ZNF704: variants seen among roughly 807,000 people sequenced by gnomAD.
ZNF704 encodes the protein zinc finger protein 704.
In ZNF704, 10 loss-of-function variants were observed where a neutral mutation model predicts 44.7. That is an observed-to-expected ratio of 0.22 (90% CI 0.14 to 0.38). The LOEUF (loss-of-function observed/expected upper bound fraction) is 0.38, where lower values mean the gene tolerates loss of function less well. Ranked by LOEUF, ZNF704 falls within the 10% of genes least tolerant of loss-of-function variation. The probability of loss-of-function intolerance (pLI) is 1.00; values close to 1 mark genes in which losing one functional copy is unlikely to be tolerated. For synonymous variants in ZNF704, 211 were observed against 207.6 expected, an observed-to-expected ratio of 1.02 and a Z score of -0.14; for missense variants, 390 against 545.5, an observed-to-expected ratio of 0.71 and a Z score of 2.84.
intron 2 of ZNF704, among the ~76,000 whole-genome samples, chr8:80,765,411 A>G (rs1228600109): frequency 6.6e-6 from 1 of 152,110 alleles, no homozygotes; most frequent in Non-Finnish European, 1.5e-5. Context: ...GTATTCCTTA[A>G]TTTAGCAAAT....
chr8:80,854,478 C>T (rs527317855), intron 1 of ZNF704, among the ~76,000 whole-genome samples: 1 of 152,280 alleles, frequency 6.6e-6, no homozygotes, highest in African/African-American at 2.4e-5. Context: ...AGGAACTTGC[C>T]TAACTGTGAC....
intron 1 of ZNF704, among the ~76,000 whole-genome samples, chr8:80,848,423 G>A (rs1808802724): frequency 1.3e-5 from 2 of 152,172 alleles, no homozygotes; most frequent in South Asian, 2.1e-4. Flanking sequence ...TATCAATGTC[G>A]ATTTCCTGGT....
At chr8:80,664,159 C>T (rs554800667) in intron 6 of ZNF704, among the ~76,000 whole-genome samples, 15 of 151,114 alleles carry the variant, frequency 9.9e-5, no homozygotes, top group East Asian at 7.9e-4. Flanking sequence ...TACAGTGGTG[C>T]GATCTTGGCT....
In ZNF704 at chr8:80,637,784, A is replaced by G. The variant is rs1027677109; in HGVS notation, c.*3582T>C. 1.3e-5 allele frequency: 2 copies of G among 152,246 alleles called. No individual in the cohort carries two copies. Among genetic ancestry groups the G allele is most frequent in the African/African-American group, 4.8e-5 (2 of 41,464 alleles). The allele number at this position is 152,246 out of a possible 1,614,324, so 9.4% of individuals were successfully genotyped here. A position where few individuals can be genotyped will look rare whatever the true frequency, so the allele number is the denominator to read the frequency against. On this transcript the variant is annotated 3_prime_UTR_variant, in exon 9 of 9. Transcript: ENST00000327835. ...TAAGCGCACACATTCTTGGTCAGAAACCCACAGCTTTTTTCCTGACACTGG... is the reference window on the plus strand; with the variant it reads ...TAAGCGCACACATTCTTGGTCAGAAGCCCACAGCTTTTTTCCTGACACTGG...
intron 1 of ZNF704, among the ~76,000 whole-genome samples, chr8:80,866,865 C>T (rs886866967): frequency 2.6e-5 from 4 of 152,176 alleles, no homozygotes; most frequent in African/African-American, 7.2e-5. Flanking sequence ...GGGCTTAAAG[C>T]TTCCAAGTAG....
intron 1 of ZNF704, 97 bp from the exon 2 acceptor site, chr8:80,821,712 T>G: frequency 1.2e-6 from 1 of 831,170 alleles, no homozygotes; most frequent in Admixed American, 2.5e-5. Context: ...ACACTGTCCT[T>G]CCTGTTCATC....
chr8:80,877,083 A>G (rs1327206532), upstream of ZNF704, among the ~76,000 whole-genome samples: 2 of 147,686 alleles, frequency 1.4e-5, no homozygotes, highest in Non-Finnish European at 3.0e-5. Flanking sequence ...ATTGCTGTAT[A>G]TGCTTTGAAA....
chr8:80,697,880 C>G (rs1195627234), intron 2 of ZNF704, among the ~76,000 whole-genome samples: 1 of 152,174 alleles, frequency 6.6e-6, no homozygotes, highest in Non-Finnish European at 1.5e-5. Flanking sequence ...TTTTGTAAGG[C>G]AGGTATATTA....
chr8:80,800,170 T>C (rs1231172068), intron 2 of ZNF704, among the ~76,000 whole-genome samples: 1 of 152,162 alleles, frequency 6.6e-6, no homozygotes, highest in Non-Finnish European at 1.5e-5. Context: ...TGGGATTATG[T>C]AAGGAGACTG....
intron 1 of ZNF704, among the ~76,000 whole-genome samples, chr8:80,838,017 C>A (rs554360809): frequency 6.6e-6 from 1 of 152,276 alleles, no homozygotes; most frequent in African/African-American, 2.4e-5. Flanking sequence ...CTAAAGATCA[C>A]CAACTTTTCC....
intron 1 of ZNF704, among the ~76,000 whole-genome samples, chr8:80,865,656 G>A (rs1303891559): frequency 6.6e-6 from 1 of 152,220 alleles, no homozygotes; most frequent in Non-Finnish European, 1.5e-5. Context: ...GAATCGAGGA[G>A]ATATGACTTT....
intron 2 of ZNF704, among the ~76,000 whole-genome samples, chr8:80,770,196 T>A (rs985504743): frequency 1.3e-5 from 2 of 152,154 alleles, no homozygotes; most frequent in Non-Finnish European, 2.9e-5. Context: ...CCAAATCATA[T>A]CAGTAACCTC....
intron 7 of ZNF704, among the ~76,000 whole-genome samples, chr8:80,646,474 CAA>C (rs59704641): frequency 0.11 from 11,248 of 98,574 alleles, 1,426 homozygotes; most frequent in African/African-American, 0.32. Context: ...AGACACATCT[CAA>C]AAAAAAAAAA....
At chr8:80,845,636 C>T (rs1320511162) in intron 1 of ZNF704, among the ~76,000 whole-genome samples, 1 of 152,148 alleles carries the variant, frequency 6.6e-6, no homozygotes, top group African/African-American at 2.4e-5. Context: ...ATCCGCAGAA[C>T]CATGAATTTA....
chr8:80,775,627 A>C (rs1807398115), intron 2 of ZNF704, among the ~76,000 whole-genome samples: 1 of 152,188 alleles, frequency 6.6e-6, no homozygotes, highest in Non-Finnish European at 1.5e-5. Context: ...ATCCCAAATA[A>C]ACTATTTGCT....
At chr8:80,862,637 T>C (rs1454177611) in intron 1 of ZNF704, among the ~76,000 whole-genome samples, 2 of 148,592 alleles carry the variant, frequency 1.3e-5, no homozygotes, top group Non-Finnish European at 3.0e-5. Context: ...CGGTGGCACA[T>C]GCCTGTAATC....
At chr8:80,752,228 A>C (rs1289365594) in intron 2 of ZNF704, among the ~76,000 whole-genome samples, 5 of 152,202 alleles carry the variant, frequency 3.3e-5, no homozygotes, top group Non-Finnish European at 5.9e-5. Flanking sequence ...CCTTAGGCAT[A>C]ATAAGCTTTT....
intron 4 of ZNF704, among the ~76,000 whole-genome samples, chr8:80,679,327 A>G (rs527498699): frequency 6.6e-6 from 1 of 152,322 alleles, no homozygotes; most frequent in Non-Finnish European, 1.5e-5. Context: ...TCCTTTGTCT[A>G]CAAACAGACT....
At chr8:80,825,288 A>G (rs939094969) in intron 1 of ZNF704, among the ~76,000 whole-genome samples, 1 of 152,232 alleles carries the variant, frequency 6.6e-6, no homozygotes, top group Non-Finnish European at 1.5e-5. Flanking sequence ...AGTCTCTGAT[A>G]AAACAGACTT....
Sources: gnomAD v4.1 joint callset for allele counts (sites outside exome capture counted in the v4.1 genomes callset) on GRCh38, gnomAD v4.1.1 for gene constraint, MANE v1.5 for transcripts, NCBI Gene and HGNC (gene_info 2026-07-23, HGNC 2026-07-21) for gene names.